The following SORCS3 variants were observed in gnomAD, a reference collection of about 807,000 sequenced individuals.
The protein encoded by SORCS3 is VPS10 domain-containing receptor SorCS3.
A neutral mutation model predicts 146.3 loss-of-function variants in SORCS3; 57 were observed. That is an observed-to-expected ratio of 0.39 (90% CI 0.31 to 0.49). The LOEUF is 0.49. Ranked by LOEUF, SORCS3 falls within the 20% of genes least tolerant of loss-of-function variation. The pLI, the probability that SORCS3 is intolerant of heterozygous loss-of-function variation, is 0.92. For synonymous variants in SORCS3, 653 were observed against 618.5 expected (o/e 1.06, Z -0.83); for missense variants, 1,341 against 1,575.5 (o/e 0.85, Z 2.52).
intron 3 of SORCS3, 91 bp downstream of exon 3, chr10:104,916,023 T>C (rs949046420): frequency 2.2e-6 from 2 of 927,960 alleles, no homozygotes; most frequent in Admixed American, 1.9e-5. Context: ...CAGTTGTCAT[T>C]GAATCATTTA....
intron 1 of SORCS3, among the ~76,000 whole-genome samples, chr10:104,708,836 G>A (rs150092650): frequency 4.5e-4 from 69 of 152,266 alleles, no homozygotes; most frequent in Non-Finnish European, 7.6e-4. Context: ...CTGTTCCTCA[G>A]GCAATCACAA....
Position 104,797,352 on chromosome 10 carries a change from C to T in SORCS3, c.628-45440C>T, listed in dbSNP as rs190334191. 1.3e-3 allele frequency among the ~76,000 whole-genome samples: 205 copies of T among 152,180 alleles called. 3 individuals carry two copies. Among genetic ancestry groups the T allele is most frequent in the Admixed American group, 5.2e-3 (79 of 15,272 alleles). ...TTTTTTCCAAATACGGTTTTTACAA[C>T]GAGCTTTGATATGGCTTGGATGCCC... On this transcript the variant is annotated intron_variant, in intron 1 of 26. Transcript: ENST00000369701.
intron 1 of SORCS3, among the ~76,000 whole-genome samples, chr10:104,838,858 C>T (rs2018103573): frequency 6.6e-6 from 1 of 151,628 alleles, no homozygotes; most frequent in Admixed American, 6.6e-5. Context: ...GGGGGTGGGC[C>T]ATGGAATCAG....
At chr10:104,766,125 C>T (rs2017176961) in intron 1 of SORCS3, among the ~76,000 whole-genome samples, 2 of 152,280 alleles carry the variant, frequency 1.3e-5, no homozygotes, top group South Asian at 4.1e-4. Context: ...CCCAAATGAC[C>T]CAGGAAAAAT....
intron 11 of SORCS3, among the ~76,000 whole-genome samples, chr10:105,162,620 C>A (rs2056274919): frequency 1.3e-5 from 2 of 152,194 alleles, no homozygotes; most frequent in Non-Finnish European, 2.9e-5. Flanking sequence ...TCAGAGGTCT[C>A]TTCAATTGAC....
intron 7 of SORCS3, among the ~76,000 whole-genome samples, chr10:105,111,283 A>G (rs1420897205): frequency 3.9e-5 from 6 of 152,124 alleles, no homozygotes; most frequent in African/African-American, 1.2e-4. Flanking sequence ...TCGGGATTGG[A>G]CTAAGCTCCA....
intron 5 of SORCS3, among the ~76,000 whole-genome samples, chr10:105,050,395 C>T (rs537932263): frequency 6.6e-6 from 1 of 152,154 alleles, no homozygotes; most frequent in East Asian, 1.9e-4. Flanking sequence ...AAGCAAGCTA[C>T]CATGTTGTTA....
intron 4 of SORCS3, among the ~76,000 whole-genome samples, chr10:105,022,489 G>T (rs2055204206): frequency 6.6e-6 from 1 of 151,524 alleles, no homozygotes; most frequent in Non-Finnish European, 1.5e-5. Context: ...TTTTGGTAGA[G>T]ACAGGTTTTT....
intron 7 of SORCS3, among the ~76,000 whole-genome samples, chr10:105,114,633 C>T (rs1463484866): frequency 6.6e-6 from 1 of 152,134 alleles, no homozygotes; most frequent in African/African-American, 2.4e-5. Flanking sequence ...AAGAGAGTGG[C>T]TTCCTGAACC....
intron 16 of SORCS3, among the ~76,000 whole-genome samples, chr10:105,209,773 A>C (rs1441324231): frequency 6.6e-6 from 1 of 152,180 alleles, no homozygotes; most frequent in African/African-American, 2.4e-5. Flanking sequence ...GCTGGCTAGA[A>C]GTGTTCAGTT....
intron 6 of SORCS3, among the ~76,000 whole-genome samples, chr10:105,096,891 A>T (rs2055750416): frequency 6.6e-6 from 1 of 152,244 alleles, no homozygotes; most frequent in Non-Finnish European, 1.5e-5. Flanking sequence ...TAATTTTTAT[A>T]TTGATGATAT....
chr10:105,036,407 A>G lies in SORCS3; in HGVS notation c.955-6648A>G, dbSNP rs532589926. ...TCTGGAGATCAGGGAACCTTGTGCT[A>G]TTCACCTTTGTATCACCACACTTTG... On this transcript the variant is annotated intron_variant, in intron 4 of 26. Coordinates refer to ENST00000369701, the MANE Select transcript of SORCS3 (RefSeq NM_014978.3). 6.3e-4 allele frequency among the ~76,000 whole-genome samples: 96 copies of G among 152,236 alleles called. 3 individuals carry two copies. The South Asian group carries it at 0.019, about 30-fold the overall frequency.
intron 2 of SORCS3, among the ~76,000 whole-genome samples, chr10:104,872,457 A>G (rs2018528404): frequency 6.6e-6 from 1 of 152,134 alleles, no homozygotes; most frequent in Non-Finnish European, 1.5e-5. Context: ...CATCAGCATT[A>G]CCGGTCTGCA....
At chr10:105,009,743 T>C (rs1479729218) in intron 4 of SORCS3, among the ~76,000 whole-genome samples, 1 of 152,066 alleles carries the variant, frequency 6.6e-6, no homozygotes, top group African/African-American at 2.4e-5. Context: ...TTTTTCACTT[T>C]TTTTTTCATT....
chr10:105,048,806 G>A (rs1312625898), intron 5 of SORCS3, among the ~76,000 whole-genome samples: 1 of 151,964 alleles, frequency 6.6e-6, no homozygotes, highest in Non-Finnish European at 1.5e-5. Context: ...GTATGCATAT[G>A]TTCTTTTATA....
chr10:104,905,939 A>C (rs1049212937), intron 2 of SORCS3, among the ~76,000 whole-genome samples: 1 of 152,188 alleles, frequency 6.6e-6, no homozygotes, highest in South Asian at 2.1e-4. Flanking sequence ...CTTATTACAG[A>C]AAAGGAAAAT....
At chr10:104,849,249 A>G (rs528028661) in intron 2 of SORCS3, among the ~76,000 whole-genome samples, 2 of 151,722 alleles carry the variant, frequency 1.3e-5, no homozygotes, top group African/African-American at 4.8e-5. Context: ...TGTCTCTACT[A>G]AAAAATACAA....
intron 14 of SORCS3, among the ~76,000 whole-genome samples, chr10:105,187,723 T>C (rs2056488131): frequency 6.6e-6 from 1 of 152,226 alleles, no homozygotes. Flanking sequence ...ATGAATCAAG[T>C]GTTGCTATTA....
At chr10:105,064,747 G>A (rs114943745) in intron 5 of SORCS3, among the ~76,000 whole-genome samples, 1,944 of 144,472 alleles carry the variant, frequency 0.013, 25 homozygotes, top group African/African-American at 0.035. Context: ...AAAAGGGAGA[G>A]AGAAAGAATT....
Sources: gnomAD v4.1 joint callset for allele counts (sites outside exome capture counted in the v4.1 genomes callset) on GRCh38, gnomAD v4.1.1 for gene constraint, MANE v1.5 for transcripts, NCBI Gene and HGNC (gene_info 2026-07-23, HGNC 2026-07-21) for gene names.